CPNE4: variants seen among roughly 807,000 people sequenced by gnomAD.
The protein encoded by CPNE4 is copine-4.
CPNE4 carries 25 observed loss-of-function variants against 67.9 expected under a neutral mutation model. The ratio of observed to expected loss-of-function variants is 0.37; its 90% CI spans 0.27 to 0.51. The LOEUF (loss-of-function observed/expected upper bound fraction) is 0.51. Among genes scored for constraint, CPNE4 ranks in the 20% least tolerant of loss-of-function variants. The pLI is 0.93. For missense variants in CPNE4, 464 were observed against 690.8 expected, an observed-to-expected ratio of 0.67 and a Z score of 3.68; for synonymous variants, 242 against 244.9, an observed-to-expected ratio of 0.99 and a Z score of 0.11.
At chr3:131,726,528 T>C (rs909470779) in intron 2 of CPNE4, among the ~76,000 whole-genome samples, 3 of 151,988 alleles carry the variant, frequency 2.0e-5, no homozygotes, top group Non-Finnish European at 4.4e-5. Flanking sequence ...ATTTGAAAGA[T>C]GTTTTAAAAT....
chr3:131,697,191 C>T (rs1177355367), intron 4 of CPNE4, among the ~76,000 whole-genome samples: 1 of 152,168 alleles, frequency 6.6e-6, no homozygotes, highest in Non-Finnish European at 1.5e-5. Context: ...GAAGAAATTA[C>T]TGTCCAAAAG....
intron 1 of CPNE4, among the ~76,000 whole-genome samples, chr3:132,031,329 T>C (rs1455406502): frequency 6.6e-6 from 1 of 152,194 alleles, no homozygotes; most frequent in Non-Finnish European, 1.5e-5. Context: ...AAGGTTTTTG[T>C]TTTTCTTTTA....
chr3:131,812,816 G>A (rs1016244121), intron 2 of CPNE4, among the ~76,000 whole-genome samples: 1 of 152,148 alleles, frequency 6.6e-6, no homozygotes, highest in African/African-American at 2.4e-5. Context: ...GGGGAGCAGG[G>A]AGAATATTTA....
intron 2 of CPNE4, among the ~76,000 whole-genome samples, chr3:131,767,922 G>C (rs907569893): frequency 1.3e-5 from 2 of 151,872 alleles, no homozygotes; most frequent in Non-Finnish European, 2.9e-5. Context: ...GGACTGTCTG[G>C]GTCTTAGGCT....
At chr3:131,743,972 A>AAAAC (rs1186675509) in intron 2 of CPNE4, among the ~76,000 whole-genome samples, 1 of 148,572 alleles carries the variant, frequency 6.7e-6, no homozygotes, top group East Asian at 1.9e-4. Context: ...CAAAAAAAAA[A>AAAAC]AAAAAAAAAA....
rs761978890 is a variant in CPNE4, at chr3:131,801,452, G to GTGTATA, written c.181-77828_181-77827insTATACA. Among the ~76,000 whole-genome samples, 122 of 53,348 alleles carry GTGTATA rather than the reference G, an allele frequency of 2.3e-3. 2 individuals carry two copies. The highest frequency in any genetic ancestry group is 2.8e-3 in the South Asian group (3 of 1,088). The allele number at this position is 53,348 out of a possible 152,430, so 35.0% of individuals were successfully genotyped here. ...TGTGTGTGTGTGTGTGTGTGTGTGTGTATATATATATATATATATATATAT... is the reference window on the plus strand; with the variant it reads ...TGTGTGTGTGTGTGTGTGTGTGTGTGTGTATATATATATATATATATATATATATAT... On this transcript the variant is annotated intron_variant, in intron 2 of 15. Transcript: ENST00000429747.
At chr3:132,035,163 C>T, upstream of CPNE4, 2 of 540,830 alleles carry the variant, frequency 3.7e-6, no homozygotes, top group Non-Finnish European at 2.4e-6. Context: ...TCTCCGTGGT[C>T]CTGCCGCGCC....
intron 2 of CPNE4, among the ~76,000 whole-genome samples, chr3:131,804,316 G>A (rs2084234083): frequency 6.6e-6 from 1 of 151,912 alleles, no homozygotes; most frequent in African/African-American, 2.4e-5. Flanking sequence ...CAGGGAAAAT[G>A]TTAATGTCAA....
intron 2 of CPNE4, among the ~76,000 whole-genome samples, chr3:131,743,950 G>C (rs372775099): frequency 2.1e-4 from 17 of 80,820 alleles, no homozygotes; most frequent in South Asian, 2.0e-3. Context: ...GCGACAGAGC[G>C]AGACTCCGTC....
chr3:131,616,230 G>C (rs904729035), intron 7 of CPNE4, among the ~76,000 whole-genome samples: 29 of 151,476 alleles, frequency 1.9e-4, no homozygotes, highest in Non-Finnish European at 4.1e-4. Context: ...GGGAGTAGGA[G>C]CAAGAGAATA....
intron 1 of CPNE4, among the ~76,000 whole-genome samples, chr3:131,931,452 A>G (rs926403487): frequency 6.6e-6 from 1 of 152,136 alleles, no homozygotes; most frequent in East Asian, 1.9e-4. Context: ...TCTTAATAGT[A>G]AGCATCATAA....
rs142578010 is a variant in CPNE4 at position 131,655,385 on chromosome 3, C to T, written c.681+14290G>A. ...CCTTGTCTTAAGGTCTGTTGTGGTTCGTTACATCATATGCCTTCAAGAGTC... is the reference window on the plus strand; with the variant it reads ...CCTTGTCTTAAGGTCTGTTGTGGTTTGTTACATCATATGCCTTCAAGAGTC... On this transcript the variant is annotated intron_variant, in intron 7 of 15. Coordinates refer to ENST00000429747, the MANE Select transcript of CPNE4 (RefSeq NM_130808.3). Among the ~76,000 whole-genome samples the T allele has an allele frequency of 1.8e-3, 267 of 152,228 alleles. 1 individual carries two copies. Among genetic ancestry groups the T allele is most frequent in the African/African-American group, 5.6e-3 (231 of 41,538 alleles).
At position 131,862,634 on chromosome 3, in the gene CPNE4, G is replaced by C. The variant is rs79057301; in HGVS notation, c.180+42630C>G. Among the ~76,000 whole-genome samples, 263 of 151,680 alleles carry C rather than the reference G, an allele frequency of 1.7e-3. 5 individuals are homozygous for C. In the East Asian group the frequency reaches 0.044, roughly 25 times the overall value. ...TATCTGGCCTCAATTCACCTATCTA[G>C]GCCTCATCTCCCGTCCGACCAGAAA... On this transcript the variant is annotated intron_variant, in intron 2 of 15. Coordinates refer to ENST00000429747, the MANE Select transcript of CPNE4 (RefSeq NM_130808.3).
At chr3:131,781,602 G>A (rs986106787) in intron 2 of CPNE4, among the ~76,000 whole-genome samples, 1 of 152,112 alleles carries the variant, frequency 6.6e-6, no homozygotes, top group Non-Finnish European at 1.5e-5. Flanking sequence ...TCAAACTCAA[G>A]TTGGATGAAG....
chr3:131,572,356 G>T (rs1458663820), intron 10 of CPNE4, among the ~76,000 whole-genome samples: 1 of 152,106 alleles, frequency 6.6e-6, no homozygotes, highest in African/African-American at 2.4e-5. Context: ...AGTAAGAGGA[G>T]TATCTTCAGG....
intron 1 of CPNE4, among the ~76,000 whole-genome samples, chr3:131,972,091 ACTT>A (rs1403903202): frequency 6.6e-6 from 1 of 151,920 alleles, no homozygotes; most frequent in Non-Finnish European, 1.5e-5. Flanking sequence ...GGATTATAAA[ACTT>A]CTTATCTTCT....
At chr3:131,670,740 A>T (rs548201869) in intron 6 of CPNE4, among the ~76,000 whole-genome samples, 57 of 152,340 alleles carry the variant, frequency 3.7e-4, no homozygotes, top group African/African-American at 1.3e-3. Flanking sequence ...ATATACAAAT[A>T]AAGTTAAATG....
intron 3 of CPNE4, among the ~76,000 whole-genome samples, chr3:131,706,877 T>G (rs1480941497): frequency 6.6e-6 from 1 of 152,198 alleles, no homozygotes; most frequent in Non-Finnish European, 1.5e-5. Flanking sequence ...AATCTATCTA[T>G]GATCCCAATG....
chr3:131,910,519 G>A (rs1358835375), intron 1 of CPNE4, among the ~76,000 whole-genome samples: 1 of 152,168 alleles, frequency 6.6e-6, no homozygotes, highest in African/African-American at 2.4e-5. Context: ...GCAAAGAAGT[G>A]GTCTCAGCTG....
Sources: gnomAD v4.1 joint callset for allele counts (sites outside exome capture counted in the v4.1 genomes callset) on GRCh38, gnomAD v4.1.1 for gene constraint, MANE v1.5 for transcripts, NCBI Gene and HGNC (gene_info 2026-07-23, HGNC 2026-07-21) for gene names.